The following CFAP20DC variants were observed in gnomAD, a reference collection of about 807,000 sequenced individuals.
The protein encoded by CFAP20DC is CFAP20 domain containing.
CFAP20DC carries 84 observed loss-of-function variants against 101.7 expected under a neutral mutation model. The observed-to-expected ratio is 0.83, with a 90% CI of 0.69 to 0.99. The LOEUF is 0.99. CFAP20DC is among the 50% of genes least tolerant of loss of function. The pLI, the probability that CFAP20DC is intolerant of heterozygous loss-of-function variation, is 0.00. For missense variants in CFAP20DC, 1,007 were observed against 970.3 expected (o/e 1.04, Z -0.50); for synonymous variants, 359 against 351.2 (o/e 1.02, Z -0.25).
chr3:58,794,207 C>T, intron 15 of CFAP20DC: 2 of 363,234 alleles, frequency 5.5e-6, no homozygotes, highest in Non-Finnish European at 5.7e-6. Context: ...TGCCTTCTAA[C>T]CAGTCTTGTT....
intron 1 of CFAP20DC, among the ~76,000 whole-genome samples, chr3:59,048,100 T>C (rs1329950084): frequency 6.6e-6 from 1 of 152,198 alleles, no homozygotes; most frequent in Non-Finnish European, 1.5e-5. Flanking sequence ...ACTGAAGATA[T>C]TACTGAATGT....
At chr3:58,810,807 A>G (rs918281686) in intron 14 of CFAP20DC, among the ~76,000 whole-genome samples, 12 of 151,636 alleles carry the variant, frequency 7.9e-5, no homozygotes, top group Non-Finnish European at 1.5e-4. Context: ...AGAAAACCCC[A>G]TTGTCTCAGT....
At chr3:59,020,480 T>A (rs1205149881) in intron 4 of CFAP20DC, among the ~76,000 whole-genome samples, 1 of 152,114 alleles carries the variant, frequency 6.6e-6, no homozygotes, top group East Asian at 1.9e-4. Context: ...TTTGTTAAGT[T>A]AATAAATTGT....
chr3:58,765,490 C>CAAAAAAAAAA (rs1337049385), intron 15 of CFAP20DC, among the ~76,000 whole-genome samples: 16 of 81,790 alleles, frequency 2.0e-4, no homozygotes, highest in South Asian at 4.2e-4. Context: ...AAAAAAAAAC[C>CAAAAAAAAAA]AAAAAAAAAA....
chr3:58,864,177 T>A lies in CFAP20DC; in HGVS notation c.1259-285A>T, dbSNP rs143431166. On this transcript the variant is annotated intron_variant, in intron 11 of 16. Coordinates refer to ENST00000482387, the MANE Select transcript of CFAP20DC (RefSeq NM_001394063.1). This position sits in a 1 kb window ranked among gnomAD's most constrained non-coding sequence, Gnocchi z 4.7. The stretch of plus-strand genomic sequence containing the variant: ...TTTCACCATGTTGGTCAGGCTGGTC[T>A]TGAACTCCTGACTTCATGATCTGCC... Among the ~76,000 whole-genome samples, 646 of 152,286 alleles carry A rather than the reference T, an allele frequency of 4.2e-3. 3 individuals carry two copies. Among genetic ancestry groups the A allele is most frequent in the African/African-American group, 0.015 (620 of 41,566 alleles).
In CFAP20DC at chr3:59,049,857, T is replaced by C; in HGVS notation, c.-226A>G. 1.7e-6 allele frequency: 1 copy of C among 597,230 alleles called. No homozygotes were observed. Among genetic ancestry groups the C allele is most frequent in the African/African-American group, 1.9e-5 (1 of 53,590 alleles). The allele number at this position is 597,230 out of a possible 1,614,324, so 37.0% of individuals were successfully genotyped here. On this transcript the variant is annotated 5_prime_UTR_variant, in exon 1 of 17. Transcript: ENST00000482387. ...ACCATTGCGGCTCCAGCCTCCGCGGTGCCCGGGTCTGGGGAGGGCGCAGCT... is the reference window on the plus strand; with the variant it reads ...ACCATTGCGGCTCCAGCCTCCGCGGCGCCCGGGTCTGGGGAGGGCGCAGCT...
intron 15 of CFAP20DC, among the ~76,000 whole-genome samples, chr3:58,798,015 C>T (rs1286290583): frequency 6.6e-6 from 1 of 152,176 alleles, no homozygotes; most frequent in Non-Finnish European, 1.5e-5. Flanking sequence ...GGCAATGCAC[C>T]TGGTCACCCA....
rs2076407890 is a variant in CFAP20DC, at chr3:58,831,744, T to C, written c.2117A>G (p.Asn706Ser). The change falls in exon 14 of 17, where the codon AAT becomes AGT. Residue 706 changes from asparagine (N) to serine (S), a missense_variant. Physicochemically the swap from Asn to Ser is conservative, Grantham distance 46. Coordinates refer to ENST00000482387, the MANE Select transcript of CFAP20DC (RefSeq NM_001394063.1). ...GLSASQVDNC[N>S]VSISTSSDDT... ...GTCACTGCTGGTACTTATGCTGACA[T>C]TACAGTTGTCCACCTGGGAGGCACT... The C allele has an allele frequency of 6.2e-7, 1 of 1,613,976 alleles. No homozygotes were observed. Among genetic ancestry groups the C allele is most frequent in the South Asian group, 1.1e-5 (1 of 91,080 alleles).
At chr3:58,720,171 C>T (rs1379659374) in intron 3 of CFAP20DC, among the ~76,000 whole-genome samples, 1 of 152,204 alleles carries the variant, frequency 6.6e-6, no homozygotes, top group African/African-American at 2.4e-5. Flanking sequence ...ATTGGATTCC[C>T]CACTAGAATG....
At chr3:59,037,890 T>C (rs1345034760) in intron 4 of CFAP20DC, among the ~76,000 whole-genome samples, 1 of 152,150 alleles carries the variant, frequency 6.6e-6, no homozygotes, top group Non-Finnish European at 1.5e-5. Flanking sequence ...TGCCCGTCAA[T>C]GATAGACTGG....
chr3:58,720,040 G>A (rs941387567), intron 3 of CFAP20DC, among the ~76,000 whole-genome samples: 2 of 152,194 alleles, frequency 1.3e-5, no homozygotes, highest in African/African-American at 2.4e-5. Flanking sequence ...TCAGGTAGAG[G>A]CCACCTTCCC....
chr3:58,824,056 T>C, intron 14 of CFAP20DC, among the ~76,000 whole-genome samples: 1 of 152,196 alleles, frequency 6.6e-6, no homozygotes, highest in Non-Finnish European at 1.5e-5. Flanking sequence ...ATACTGTCTC[T>C]ATTGTCACTA....
chr3:59,029,178 T>C (rs930551328), intron 4 of CFAP20DC, among the ~76,000 whole-genome samples: 1 of 152,188 alleles, frequency 6.6e-6, no homozygotes, highest in Non-Finnish European at 1.5e-5. Flanking sequence ...TCCGCCCGTA[T>C]GTCCGTATTT....
intron 14 of CFAP20DC, among the ~76,000 whole-genome samples, chr3:58,827,133 A>G (rs1368589820): frequency 6.6e-6 from 1 of 152,180 alleles, no homozygotes; most frequent in Non-Finnish European, 1.5e-5. Flanking sequence ...ATGGAGGTTC[A>G]TTAATTGTAA....
chr3:58,760,881 A>T (rs2069506279), intron 15 of CFAP20DC, among the ~76,000 whole-genome samples: 1 of 152,214 alleles, frequency 6.6e-6, no homozygotes, highest in Non-Finnish European at 1.5e-5. Flanking sequence ...CCCAGGGATG[A>T]AGCCCACTTG....
intron 3 of CFAP20DC, among the ~76,000 whole-genome samples, chr3:58,725,196 T>C (rs1406703833): frequency 6.6e-6 from 1 of 152,122 alleles, no homozygotes; most frequent in African/African-American, 2.4e-5. Flanking sequence ...GGAAGGCAGA[T>C]CAGTGAAAGT....
chr3:58,853,823 T>C (rs1416962761), intron 12 of CFAP20DC, among the ~76,000 whole-genome samples: 1 of 152,114 alleles, frequency 6.6e-6, no homozygotes, highest in African/African-American at 2.4e-5. Context: ...TAGGTATTGA[T>C]GGGACATATT....
At chr3:58,771,444 G>C (rs2070835645) in intron 15 of CFAP20DC, among the ~76,000 whole-genome samples, 1 of 151,406 alleles carries the variant, frequency 6.6e-6, no homozygotes, top group Non-Finnish European at 1.5e-5. Context: ...AAACAAAAAA[G>C]AAACATAGAG....
chr3:58,978,948 T>C (rs1008664314), intron 4 of CFAP20DC, among the ~76,000 whole-genome samples: 1 of 152,148 alleles, frequency 6.6e-6, no homozygotes, highest in Non-Finnish European at 1.5e-5. Context: ...TCCTGATGCA[T>C]TCTTGCTATA....
Sources: gnomAD v4.1 joint callset for allele counts (sites outside exome capture counted in the v4.1 genomes callset) on GRCh38, gnomAD v4.1.1 for gene constraint, Gnocchi (gnomAD v3.1) non-coding constraint, MANE v1.5 for transcripts, NCBI Gene and HGNC (gene_info 2026-07-23, HGNC 2026-07-21) for gene names.